ZNF44: variants seen among roughly 807,000 people sequenced by gnomAD.
ZNF44 encodes the protein gonadotropin inducible transcription repressor-2.
A neutral mutation model predicts 11.7 loss-of-function variants in ZNF44; 9 were observed. The observed-to-expected ratio is 0.77, with a 90% CI of 0.46 to 1.35. The LOEUF (loss-of-function observed/expected upper bound fraction) is 1.35, where lower values mean the gene tolerates loss of function less well. Ranked by LOEUF, ZNF44 falls within the 40% of genes most tolerant of loss-of-function variation. The pLI, the probability that ZNF44 is intolerant of heterozygous loss-of-function variation, is 0.00. For synonymous variants in ZNF44, 224 were observed against 242.7 expected, an observed-to-expected ratio of 0.92 and a Z score of 0.72; for missense variants, 696 against 743.1, an observed-to-expected ratio of 0.94 and a Z score of 0.74.
rs375340255 is a variant in ZNF44 at position 12,273,105 on chromosome 19, T to C, written c.1150A>G (p.Met384Val). The C allele has an allele frequency of 3.1e-6, 5 of 1,613,950 alleles. No homozygotes were observed. The South Asian group carries it at 3.3e-5, about 11-fold the overall frequency. Residue 384 changes from methionine to valine, a missense_variant, in exon 4 of 4, where the codon ATG becomes GTG. By Grantham distance (21) the Met-to-Val change is conservative (BLOSUM62 1). Transcript: ENST00000355684. ...GGGCCATCTCCAGTGTGTGCCATCA[T>C]GTGTCTTCGAAAGCTTGAGCGATGA... The part of the protein sequence containing the change: ...LSHRSSFRRH[M>V]MAHTGDGPHK...
At chr19:12,239,881 C>T (rs1014987551), upstream of ZNF44, among the ~76,000 whole-genome samples, 3 of 151,832 alleles carry the variant, frequency 2.0e-5, no homozygotes, top group South Asian at 4.2e-4. Context: ...CCCCAAGTTG[C>T]GTTTTTATAT....
At chr19:12,263,880 G>GCAC (rs987659026) in intron 5 of ZNF44, among the ~76,000 whole-genome samples, 1 of 149,106 alleles carries the variant, frequency 6.7e-6, no homozygotes, top group Non-Finnish European at 1.5e-5. Context: ...AGCCGAGATG[G>GCAC]CACCACTGCA....
chr19:12,266,075 G>A (rs1917715698), intron 5 of ZNF44, among the ~76,000 whole-genome samples: 1 of 152,168 alleles, frequency 6.6e-6, no homozygotes, highest in Non-Finnish European at 1.5e-5. Flanking sequence ...ACCACGCAGG[G>A]ACAGGACAGG....
chr19:12,245,161 AGTACTT>A (rs1916737215), downstream of ZNF44, among the ~76,000 whole-genome samples: 1 of 152,206 alleles, frequency 6.6e-6, no homozygotes, highest in Non-Finnish European at 1.5e-5. Flanking sequence ...AAAGAAAAAA[AGTACTT>A]GGACTTATAT....
At chr19:12,252,920 C>G (rs1369332573) in intron 5 of ZNF44, among the ~76,000 whole-genome samples, 1 of 123,014 alleles carries the variant, frequency 8.1e-6, no homozygotes, top group Non-Finnish European at 1.6e-5. Flanking sequence ...CAGAGTCTCA[C>G]TCTGTCTCCC....
downstream of ZNF44, among the ~76,000 whole-genome samples, chr19:12,225,478 A>G (rs891002851): frequency 6.6e-6 from 1 of 152,074 alleles, no homozygotes; most frequent in Non-Finnish European, 1.5e-5. Flanking sequence ...TGATTGGCTG[A>G]TATAGAAACA....
At chr19:12,268,167 CACACACACACACACA>C (rs1453433322), downstream of ZNF44, among the ~76,000 whole-genome samples, 4 of 143,644 alleles carry the variant, frequency 2.8e-5, no homozygotes, top group African/African-American at 7.9e-5. Context: ...CACACACACA[CACACACACACACACA>C]AGCTCCTTCC....
chr19:12,231,353 G>C (rs1916157599), intron 2 of ZNF44, among the ~76,000 whole-genome samples: 1 of 152,054 alleles, frequency 6.6e-6, no homozygotes, highest in Non-Finnish European at 1.5e-5. Flanking sequence ...TCAGGCTGCT[G>C]TCCCTCCCCG....
chr19:12,281,112 T>C (rs143863883), intron 1 of ZNF44, among the ~76,000 whole-genome samples: 38 of 152,304 alleles, frequency 2.5e-4, no homozygotes, highest in African/African-American at 7.2e-4. Flanking sequence ...AATTGAAACA[T>C]ATTTATAGAA....
At chr19:12,275,164 T>A in intron 2 of ZNF44, 131 bp from the exon 3 acceptor site, 1 of 582,446 alleles carries the variant, frequency 1.7e-6, no homozygotes, top group Non-Finnish European at 2.8e-6. Flanking sequence ...ACAACACAGG[T>A]TTGAACTGCA....
intron 3 of ZNF44, among the ~76,000 whole-genome samples, chr19:12,227,098 C>T (rs192933667): frequency 1.2e-3 from 185 of 152,316 alleles, no homozygotes; most frequent in Middle Eastern, 3.4e-3. Context: ...CTCCAGTCTC[C>T]TGCAGTTTAG....
chr19:12,265,354 A>G (rs565937003), intron 5 of ZNF44, among the ~76,000 whole-genome samples: 1 of 152,170 alleles, frequency 6.6e-6, no homozygotes, highest in South Asian at 2.1e-4. Flanking sequence ...CAGTGCATTC[A>G]AGCCTCAGCG....
chr19:12,242,337 T>C (rs1339154484), upstream of ZNF44, among the ~76,000 whole-genome samples: 4 of 151,050 alleles, frequency 2.6e-5, no homozygotes, highest in East Asian at 3.9e-4. Context: ...AGTGAAACCC[T>C]GTCTCTACTA....
chr19:12,267,919 C>T (rs1917792371), downstream of ZNF44, among the ~76,000 whole-genome samples: 5 of 148,200 alleles, frequency 3.4e-5, no homozygotes, highest in Admixed American at 2.7e-4. Context: ...TCACTGCAAA[C>T]TCTGCCTCCC....
In ZNF44 at chr19:12,272,863, T is replaced by A. The variant is rs1967015173; in HGVS notation, c.1392A>T (p.Gln464His). The change falls in exon 4 of 4, where the codon CAA becomes CAT. Residue 464 changes from glutamine to histidine, a missense_variant. Gln to His is a conservative substitution (Grantham distance 24). Transcript: ENST00000355684. ...CTTCACTGTGTGTTGTTTCATGACTTTGAAAGGAAAATAAATCACTAAAAG... is the reference window on the plus strand; with the variant it reads ...CTTCACTGTGTGTTGTTTCATGACTATGAAAGGAAAATAAATCACTAAAAG... ...GKAFSDLFSFQSHETTHSEEE... is the reference protein window; with the variant it reads ...GKAFSDLFSFHSHETTHSEEE... The A allele has an allele frequency of 6.2e-7, 1 of 1,614,112 alleles. No individual in the cohort carries two copies. Among genetic ancestry groups the A allele is most frequent in the South Asian group, 1.1e-5 (1 of 91,080 alleles).
intron 3 of ZNF44, among the ~76,000 whole-genome samples, chr19:12,227,845 T>G (rs892497777): frequency 6.6e-6 from 1 of 152,234 alleles, no homozygotes; most frequent in Non-Finnish European, 1.5e-5. Flanking sequence ...GCTTCCTGTA[T>G]GATTTTATAC....
chr19:12,266,390 G>C (rs531982703), intron 5 of ZNF44: 2 of 965,146 alleles, frequency 2.1e-6, no homozygotes, highest in East Asian at 1.1e-4. Flanking sequence ...GAGAAGCCGA[G>C]AGCGACCCGA....
chr19:12,242,029 C>T (rs1916635064), upstream of ZNF44, among the ~76,000 whole-genome samples: 1 of 151,906 alleles, frequency 6.6e-6, no homozygotes, highest in Non-Finnish European at 1.5e-5. Context: ...TAGAGATTAC[C>T]AAGGGATGGG....
rs376653946 is a variant in ZNF44, at chr19:12,256,761, T to C, written c.1913-6393A>G. 5.3e-4 allele frequency among the ~76,000 whole-genome samples: 75 copies of C among 142,268 alleles called. No homozygotes were observed. The East Asian group carries it at 0.01, about 20-fold the overall frequency. 93.3% of individuals were successfully genotyped at this position (142,268 alleles called of 152,430 possible). ...TGTCACCCAGGCTGGAGTGCAGTGG[T>C]ACAATCTTGGCTCACTGCAACCAAC... On this transcript the variant is annotated intron_variant and NMD_transcript_variant, in intron 5 of 7. Transcript: ENST00000393337.
Sources: allele counts gnomAD v4.1 joint callset (sites outside exome capture counted in the v4.1 genomes callset), GRCh38; gene constraint gnomAD v4.1.1; transcripts MANE v1.5; gene names NCBI Gene and HGNC (gene_info 2026-07-23, HGNC 2026-07-21).